SCAMP2: variants seen among roughly 807,000 people sequenced by gnomAD.
The protein encoded by SCAMP2 is secretory carrier membrane protein 2, also known as secretory carrier-associated membrane protein 2.
Under a neutral mutation model 44.1 loss-of-function variants are expected in SCAMP2, and 25 were observed. That is an observed-to-expected ratio of 0.57 (90% CI 0.41 to 0.79). The LOEUF (loss-of-function observed/expected upper bound fraction) is 0.79, where lower values mean the gene tolerates loss of function less well. Among genes scored for constraint, SCAMP2 ranks in the 30% least tolerant of loss-of-function variants. SCAMP2 has a pLI of 0.00. For missense variants in SCAMP2, 355 were observed against 411.0 expected, an observed-to-expected ratio of 0.86 and a Z score of 1.18; for synonymous variants, 156 against 166.0, an observed-to-expected ratio of 0.94 and a Z score of 0.46.
chr15:74,848,821 C>T (rs760778081), intron 6 of SCAMP2, 120 bp from the exon 7 acceptor site: 7 of 663,594 alleles, frequency 1.1e-5, no homozygotes, highest in Non-Finnish European at 1.9e-5. Flanking sequence ...AGAGACAGAG[C>T]TCCAGGGGCC....
At chr15:74,853,359 T>TA (rs1238298305) in intron 3 of SCAMP2, 3 of 455,680 alleles carry the variant, frequency 6.6e-6, no homozygotes, top group African/African-American at 4.0e-5. Context: ...TCATCTACAT[T>TA]AGGCCTACCT....
chr15:74,864,072 A>G (rs944243737), intron 1 of SCAMP2, among the ~76,000 whole-genome samples: 1 of 152,028 alleles, frequency 6.6e-6, no homozygotes, highest in African/African-American at 2.4e-5. Flanking sequence ...ATATATGTAT[A>G]TATTTTTGAG....
intron 1 of SCAMP2, among the ~76,000 whole-genome samples, chr15:74,861,773 C>T (rs1230115870): frequency 4.6e-5 from 7 of 151,524 alleles, no homozygotes; most frequent in Non-Finnish European, 7.4e-5. Context: ...TGGTGGCGGG[C>T]GCCTGTAGTC....
At chr15:74,869,333 TAAA>T (rs1226901025) in intron 1 of SCAMP2, among the ~76,000 whole-genome samples, 1 of 151,204 alleles carries the variant, frequency 6.6e-6, no homozygotes, top group African/African-American at 2.4e-5. Context: ...TAATAAAAAA[TAAA>T]AAAATTAAAG....
intron 8 of SCAMP2, 80 bp downstream of exon 8, chr15:74,845,393 T>C (rs771612545): frequency 3.1e-6 from 5 of 1,609,204 alleles, no homozygotes; most frequent in African/African-American, 1.3e-5. Context: ...ACTGCAGTGG[T>C]GAAAAACATC....
At chr15:74,858,663 C>A (rs1430134780) in intron 1 of SCAMP2, among the ~76,000 whole-genome samples, 1 of 152,018 alleles carries the variant, frequency 6.6e-6, no homozygotes, top group Non-Finnish European at 1.5e-5. Context: ...TGGGGCAAAG[C>A]ATCTCGAAGC....
intron 1 of SCAMP2, among the ~76,000 whole-genome samples, chr15:74,860,186 G>A (rs763936185): frequency 1.5e-4 from 23 of 152,092 alleles, no homozygotes; most frequent in East Asian, 1.9e-4. Flanking sequence ...CAAGGCAGGC[G>A]GATCACCTGA....
chr15:74,863,341 C>T (rs947251128), intron 1 of SCAMP2, among the ~76,000 whole-genome samples: 4 of 139,280 alleles, frequency 2.9e-5, no homozygotes, highest in African/African-American at 5.4e-5. Flanking sequence ...AGTGAGACTC[C>T]GTCTCAAAAA....
intron 1 of SCAMP2, among the ~76,000 whole-genome samples, chr15:74,857,300 C>A (rs2064474427): frequency 6.6e-6 from 1 of 152,200 alleles, no homozygotes. Context: ...GACAAAGTGA[C>A]AAGGTGAAGT....
intron 1 of SCAMP2, among the ~76,000 whole-genome samples, chr15:74,865,785 C>CAAAAAAA (rs768984095): frequency 1.1e-5 from 1 of 90,658 alleles, no homozygotes; most frequent in East Asian, 3.2e-4. Flanking sequence ...CTCATTTCTC[C>CAAAAAAA]AAAAAAAAAA....
intron 1 of SCAMP2, among the ~76,000 whole-genome samples, chr15:74,872,183 C>T (rs1266071867): frequency 2.0e-5 from 3 of 151,450 alleles, no homozygotes; most frequent in Admixed American, 6.6e-5. Flanking sequence ...AAGGCCGAGG[C>T]GGATGGATCA....
chr15:74,847,242 C>T (rs1032367802), intron 7 of SCAMP2, among the ~76,000 whole-genome samples: 1 of 152,074 alleles, frequency 6.6e-6, no homozygotes, highest in Non-Finnish European at 1.5e-5. Context: ...TAGGCACCTA[C>T]CAATGCGCCT....
At chr15:74,850,039 TG>T (rs1388750874) in intron 6 of SCAMP2, among the ~76,000 whole-genome samples, 1 of 152,068 alleles carries the variant, frequency 6.6e-6, no homozygotes, top group Admixed American at 6.5e-5. Context: ...CCAGAACCCC[TG>T]GGGGTCTGTA....
At position 74,844,215 on chromosome 15, in the gene SCAMP2, A is replaced by T. The variant is rs76563855; in HGVS notation, c.*868T>A. 6.9e-6 allele frequency: 1 copy of T among 144,130 alleles called. No homozygotes were observed. Among genetic ancestry groups the T allele is most frequent in the African/African-American group, 2.6e-5 (1 of 39,094 alleles). The allele number at this position is 144,130 out of a possible 1,614,324, so 8.9% of individuals were successfully genotyped here. Reference sequence around the variant, plus strand: ...CCTCGGTTCGGGGAGGGGGGGGGGTAGTCACAGCAAACAGGGCCAAACCAA... The same window carrying T: ...CCTCGGTTCGGGGAGGGGGGGGGGTTGTCACAGCAAACAGGGCCAAACCAA... On this transcript the variant is annotated 3_prime_UTR_variant, in exon 9 of 9. Coordinates refer to ENST00000268099, the MANE Select transcript of SCAMP2 (RefSeq NM_005697.5).
intron 4 of SCAMP2, chr15:74,851,802 T>C: frequency 2.2e-6 from 1 of 454,514 alleles, no homozygotes; most frequent in Non-Finnish European, 3.9e-6. Context: ...CAAGGAATTG[T>C]GGGACCAAAG....
chr15:74,859,911 G>A (rs990516038), intron 1 of SCAMP2, among the ~76,000 whole-genome samples: 3 of 151,996 alleles, frequency 2.0e-5, no homozygotes. Context: ...CCCAGTGTGA[G>A]GTTTATTTCA....
At chr15:74,851,554 C>T in intron 4 of SCAMP2, 73 bp from the exon 5 acceptor site, 2 of 1,588,384 alleles carry the variant, frequency 1.3e-6, no homozygotes, top group South Asian at 2.2e-5. Context: ...TGCACGCCAG[C>T]ATAGTGTATG....
chr15:74,849,835 T>C (rs111929877), intron 6 of SCAMP2, among the ~76,000 whole-genome samples: 1,522 of 97,362 alleles, frequency 0.016, 24 homozygotes, highest in African/African-American at 0.039. Context: ...GAAAAAAATA[T>C]TTGGGAAACA....
chr15:74,859,757 C>T (rs2141177407), intron 1 of SCAMP2, among the ~76,000 whole-genome samples: 1 of 151,766 alleles, frequency 6.6e-6, no homozygotes, highest in Non-Finnish European at 1.5e-5. Context: ...GCTAGGATTA[C>T]AGGCACATAC....
Sources: gnomAD v4.1 joint callset for allele counts (sites outside exome capture counted in the v4.1 genomes callset) on GRCh38, gnomAD v4.1.1 for gene constraint, MANE v1.5 for transcripts, NCBI Gene and HGNC (gene_info 2026-07-23, HGNC 2026-07-21) for gene names.